USH2A: variants seen among roughly 807,000 people sequenced by gnomAD.
USH2A encodes the protein usherin, also known as Usher syndrome 2A (autosomal recessive, mild).
In USH2A, 443 loss-of-function variants were observed where a neutral mutation model predicts 538.9. That is an observed-to-expected ratio of 0.82 (90% CI 0.76 to 0.89). The LOEUF (loss-of-function observed/expected upper bound fraction) is 0.89, where lower values mean the gene tolerates loss of function less well. Ranked by LOEUF, USH2A falls within the 40% of genes least tolerant of loss-of-function variation. USH2A has a pLI of 0.00. For synonymous variants in USH2A, 2,413 were observed against 2,273.5 expected (o/e 1.06, Z -1.75); for missense variants, 6,633 against 6,324.8 (o/e 1.05, Z -1.65).
intron 24 of USH2A, 71 bp downstream of exon 24, chr1:216,086,648 C>T (rs1300891480): frequency 1.6e-6 from 2 of 1,250,556 alleles, no homozygotes; most frequent in Non-Finnish European, 2.3e-6. Context: ...CTTATTCTTA[C>T]TTTAAAATAA....
Position 216,247,159 on chromosome 1 carries a change from C to G in USH2A, c.2235G>C (p.Glu745Asp). ...AGCCATGGAGGTTACACTGGCAGGG[C>G]TCACATCCAACATCATTAAAGCTTC... ...FLRSFNDVGC[E>D]PCQCNLHGSV... The change falls in exon 13 of 72, where the codon GAG becomes GAC. Residue 745 changes from glutamate (E) to aspartate (D), a missense_variant. Glu to Asp is a conservative substitution (Grantham distance 45). Transcript: ENST00000307340. The G allele has an allele frequency of 6.2e-7, 1 of 1,614,086 alleles. No individual in the cohort carries two copies. The highest frequency in any genetic ancestry group is 8.5e-7 in the Non-Finnish European group (1 of 1,179,948).
chr1:215,698,330 T>C (rs1252172856), intron 61 of USH2A, among the ~76,000 whole-genome samples: 2 of 152,236 alleles, frequency 1.3e-5, no homozygotes, highest in Non-Finnish European at 2.9e-5. Flanking sequence ...ATGCCTTGGG[T>C]ATATACCCAG....
intron 3 of USH2A, among the ~76,000 whole-genome samples, chr1:216,390,533 T>C (rs1315843404): frequency 6.6e-6 from 1 of 152,196 alleles, no homozygotes; most frequent in African/African-American, 2.4e-5. Context: ...ATGTTTTGGG[T>C]TACATGCATT....
chr1:215,841,786 AATCT>A (rs1663682928), intron 46 of USH2A, among the ~76,000 whole-genome samples: 1 of 152,162 alleles, frequency 6.6e-6, no homozygotes, highest in Admixed American at 6.6e-5. Context: ...AAATTTTTGC[AATCT>A]ATCCATCTGA....
chr1:216,246,519 G>A, intron 13 of USH2A, 66 bp downstream of exon 13: 1 of 1,609,248 alleles, frequency 6.2e-7, no homozygotes, highest in Non-Finnish European at 8.5e-7. Context: ...GAAACAGGGA[G>A]AAGTTACCTA....
rs1483547316 is a variant in USH2A, at chr1:216,373,451, A to G, written c.652-8366T>C. ...ATTCTATCTGTAATGCAGCTCAATC[A>G]GTAGTTTCTGTTTTTTATTACTTTA... On this transcript the variant is annotated intron_variant, in intron 3 of 71. Coordinates refer to ENST00000307340, the MANE Select transcript of USH2A (RefSeq NM_206933.4). Among the ~76,000 whole-genome samples, 4 of 152,228 alleles carry G rather than the reference A, an allele frequency of 2.6e-5. No individual in the cohort carries two copies. The East Asian group carries it at 7.7e-4, about 29-fold the overall frequency.
chr1:215,988,391 C>T (rs1055639158), intron 35 of USH2A, among the ~76,000 whole-genome samples: 1 of 152,150 alleles, frequency 6.6e-6, no homozygotes, highest in Admixed American at 6.6e-5. Flanking sequence ...GAGTGATATG[C>T]CATTGTGTAA....
intron 21 of USH2A, among the ~76,000 whole-genome samples, chr1:216,140,806 G>A (rs1306054476): frequency 1.3e-5 from 2 of 152,188 alleles, no homozygotes; most frequent in Admixed American, 6.5e-5. Flanking sequence ...GAAAGAGCAG[G>A]CCTTCAAGAA....
rs369511538 is a variant in USH2A at position 215,993,096 on chromosome 1, G to A, written c.6729C>T (p.Gly2243=). The change falls in exon 35 of 72, where the codon GGC becomes GGT. Residue 2243 remains glycine, a synonymous_variant. Transcript: ENST00000307340. The part of the protein sequence containing the change: ...EALTDEDIPE[G]VPAPKAHSYS... ...ATGAGTGGGCTTTGGGGGCTGGCACGCCTTCGGGTATGTCCTCGTCAGTTA... is the reference window on the plus strand; with the variant it reads ...ATGAGTGGGCTTTGGGGGCTGGCACACCTTCGGGTATGTCCTCGTCAGTTA... The A allele has an allele frequency of 2.7e-5, 44 of 1,613,928 alleles. 1 individual carries two copies. Among genetic ancestry groups the A allele is most frequent in the African/African-American group, 5.3e-5 (4 of 74,904 alleles).
At chr1:216,127,557 T>C (rs2033280210) in intron 21 of USH2A, among the ~76,000 whole-genome samples, 2 of 152,190 alleles carry the variant, frequency 1.3e-5, no homozygotes, top group Admixed American at 1.3e-4. Context: ...CCACCTCTAT[T>C]GCTGGCGTTT....
intron 9 of USH2A, among the ~76,000 whole-genome samples, chr1:216,319,697 G>A (rs1331455928): frequency 6.6e-6 from 1 of 152,194 alleles, no homozygotes; most frequent in Non-Finnish European, 1.5e-5. Context: ...AAACTGAGGA[G>A]TGGGACTACG....
At chr1:215,850,266 A>G (rs977333717) in intron 44 of USH2A, among the ~76,000 whole-genome samples, 1 of 152,192 alleles carries the variant, frequency 6.6e-6, no homozygotes, top group Non-Finnish European at 1.5e-5. Context: ...AAACAGAGAA[A>G]GACATTAGTA....
chr1:216,142,502 T>A (rs982726098), intron 21 of USH2A, among the ~76,000 whole-genome samples: 1 of 152,150 alleles, frequency 6.6e-6, no homozygotes, highest in Non-Finnish European at 1.5e-5. Flanking sequence ...AGAGTTGGCT[T>A]TTAGTCCTGC....
chr1:216,398,669 A>G (rs1160062756), intron 3 of USH2A, among the ~76,000 whole-genome samples: 1 of 152,042 alleles, frequency 6.6e-6, no homozygotes, highest in African/African-American at 2.4e-5. Flanking sequence ...AGAAGTAAGC[A>G]GTAGTTTTTG....
intron 64 of USH2A, among the ~76,000 whole-genome samples, chr1:215,661,643 G>A (rs910138174): frequency 1.3e-5 from 2 of 152,198 alleles, no homozygotes; most frequent in Admixed American, 1.3e-4. Flanking sequence ...CAGTAGGTGG[G>A]CTAAGAGAGG....
In USH2A at chr1:215,678,354, A is replaced by C. The variant is rs77469873; in HGVS notation, c.12294+1795T>G. On this transcript the variant is annotated intron_variant, in intron 62 of 71. Transcript: ENST00000307340. Reference sequence around the variant, plus strand: ...AGTCCCTCCAACCTCTTCTAGTGCCATCTTTCTTTCTCCCAAATACTTCAT... The same window carrying C: ...AGTCCCTCCAACCTCTTCTAGTGCCCTCTTTCTTTCTCCCAAATACTTCAT... Among the ~76,000 whole-genome samples, 1,134 of 152,254 alleles carry C rather than the reference A, an allele frequency of 7.4e-3. 15 individuals are homozygous for C. The highest frequency in any genetic ancestry group is 0.023 in the African/African-American group (955 of 41,558).
At chr1:216,268,590 G>A (rs1180469061) in intron 11 of USH2A, among the ~76,000 whole-genome samples, 1 of 152,134 alleles carries the variant, frequency 6.6e-6, no homozygotes, top group Non-Finnish European at 1.5e-5. Flanking sequence ...ATGTGGGGCA[G>A]TACTTGCAAA....
chr1:216,287,257 A>T (rs2036903966), intron 11 of USH2A, among the ~76,000 whole-genome samples: 1 of 152,320 alleles, frequency 6.6e-6, no homozygotes, highest in Non-Finnish European at 1.5e-5. Flanking sequence ...CACCATTCAT[A>T]AAAACCACTC....
At chr1:216,167,971 CCTCT>C (rs1310618483) in intron 21 of USH2A, among the ~76,000 whole-genome samples, 1 of 152,096 alleles carries the variant, frequency 6.6e-6, no homozygotes, top group Non-Finnish European at 1.5e-5. Flanking sequence ...TTCCCAGATT[CCTCT>C]CTATCTGAAT....
Sources: allele counts gnomAD v4.1 joint callset (sites outside exome capture counted in the v4.1 genomes callset), GRCh38; gene constraint gnomAD v4.1.1; transcripts MANE v1.5; gene names NCBI Gene and HGNC (gene_info 2026-07-23, HGNC 2026-07-21).